SPOCK1: variants seen among roughly 807,000 people sequenced by gnomAD.
The protein encoded by SPOCK1 is SPARC (osteonectin), cwcv and kazal like domains proteoglycan 1.
SPOCK1 carries 23 observed loss-of-function variants against 55.3 expected under a neutral mutation model. The observed-to-expected ratio is 0.42, with a 90% CI of 0.30 to 0.59. SPOCK1 has a LOEUF of 0.59. Among genes scored for constraint, SPOCK1 ranks in the 20% least tolerant of loss-of-function variants. The pLI is 0.22. For synonymous variants in SPOCK1, 226 were observed against 221.0 expected (o/e 1.02, Z -0.20); for missense variants, 499 against 552.5 (o/e 0.90, Z 0.97).
At chr5:137,033,432 G>A (rs1341596266) in intron 6 of SPOCK1, among the ~76,000 whole-genome samples, 3 of 152,154 alleles carry the variant, frequency 2.0e-5, no homozygotes, top group African/African-American at 7.2e-5. Flanking sequence ...CCCCACGTCT[G>A]TGAAGCCCAG....
chr5:137,417,281 G>C (rs1186142101), intron 2 of SPOCK1, among the ~76,000 whole-genome samples: 1 of 143,168 alleles, frequency 7.0e-6, no homozygotes, highest in Admixed American at 7.0e-5. Flanking sequence ...TCTTTTAGAA[G>C]TTTTATAGTT....
intron 2 of SPOCK1, among the ~76,000 whole-genome samples, chr5:137,397,409 C>A (rs567375443): frequency 6.6e-6 from 1 of 152,342 alleles, no homozygotes; most frequent in East Asian, 1.9e-4. Context: ...TCAAACAGAG[C>A]TTTCCAGCTT....
intron 6 of SPOCK1, among the ~76,000 whole-genome samples, chr5:137,051,022 A>G (rs1333715968): frequency 6.6e-6 from 1 of 152,230 alleles, no homozygotes; most frequent in African/African-American, 2.4e-5. Flanking sequence ...TCCAATCTAA[A>G]TATCATTTCT....
At chr5:137,393,348 C>G (rs1475243903) in intron 2 of SPOCK1, among the ~76,000 whole-genome samples, 1 of 152,176 alleles carries the variant, frequency 6.6e-6, no homozygotes, top group East Asian at 1.9e-4. Flanking sequence ...CAGCCATCAC[C>G]ATGAGAACAT....
chr5:137,398,118 A>G (rs1751895789), intron 2 of SPOCK1, among the ~76,000 whole-genome samples: 4 of 151,872 alleles, frequency 2.6e-5, no homozygotes, highest in Non-Finnish European at 5.9e-5. Context: ...CCGACACCTG[A>G]GCCCATTCCA....
chr5:136,980,934 GTTTTGA>G (rs1427969475), intron 9 of SPOCK1, among the ~76,000 whole-genome samples: 3 of 150,768 alleles, frequency 2.0e-5, no homozygotes, highest in Non-Finnish European at 4.4e-5. Flanking sequence ...TAATTTCCTG[GTTTTGA>G]TTTTGGTTTT....
chr5:137,372,167 T>C (rs1258272085), intron 2 of SPOCK1, among the ~76,000 whole-genome samples: 1 of 152,238 alleles, frequency 6.6e-6, no homozygotes, highest in Non-Finnish European at 1.5e-5. Flanking sequence ...AGTAGCCACA[T>C]GAGCCTGGTG....
At position 137,132,021 on chromosome 5, in the gene SPOCK1, A is replaced by ATATATATAT. The variant is rs1561621235; in HGVS notation, c.347+8558_347+8559insATATATATA. On this transcript the variant is annotated intron_variant, in intron 4 of 10. Coordinates refer to ENST00000394945, the MANE Select transcript of SPOCK1 (RefSeq NM_004598.4). ...ATATATATATATATATATATATATA[A>ATATATATAT]AAAATTAGCTGGGCATGGTGGCAAG... Among the ~76,000 whole-genome samples the ATATATATAT allele has an allele frequency of 3.4e-4, 23 of 68,496 alleles. 2 individuals carry two copies. Among genetic ancestry groups the ATATATATAT allele is most frequent in the Non-Finnish European group, 5.2e-4 (18 of 34,932 alleles). The allele number at this position is 68,496 out of a possible 152,430, so 44.9% of individuals were successfully genotyped here. A position where few individuals can be genotyped will look rare whatever the true frequency, so the allele number is the denominator to read the frequency against.
At chr5:137,052,442 T>C (rs1047581861) in intron 6 of SPOCK1, among the ~76,000 whole-genome samples, 7 of 152,214 alleles carry the variant, frequency 4.6e-5, no homozygotes, top group African/African-American at 1.7e-4. Flanking sequence ...ACATCACTTG[T>C]GGCACATCTT....
At chr5:137,041,851 GC>G (rs1366726339) in intron 6 of SPOCK1, among the ~76,000 whole-genome samples, 3 of 152,154 alleles carry the variant, frequency 2.0e-5, no homozygotes, top group African/African-American at 7.2e-5. Context: ...ATTTATTGCT[GC>G]TGGAAATGCA....
intron 2 of SPOCK1, among the ~76,000 whole-genome samples, chr5:137,367,542 A>G (rs1211096303): frequency 6.6e-6 from 1 of 152,236 alleles, no homozygotes; most frequent in African/African-American, 2.4e-5. Context: ...TGCCTCAGGA[A>G]CATTAAATTT....
intron 2 of SPOCK1, among the ~76,000 whole-genome samples, chr5:137,417,945 T>A (rs1411032441): frequency 1.3e-5 from 2 of 152,112 alleles, no homozygotes; most frequent in Non-Finnish European, 2.9e-5. Flanking sequence ...CTAATGCTAT[T>A]CCTCCCCCCT....
At chr5:137,351,863 G>A (rs1750687477) in intron 2 of SPOCK1, among the ~76,000 whole-genome samples, 1 of 152,192 alleles carries the variant, frequency 6.6e-6, no homozygotes, top group Admixed American at 6.5e-5. Context: ...TTAAAGGATG[G>A]GCATGTAGGA....
At chr5:137,307,240 C>T (rs911458758) in intron 2 of SPOCK1, among the ~76,000 whole-genome samples, 1 of 152,222 alleles carries the variant, frequency 6.6e-6, no homozygotes, top group Non-Finnish European at 1.5e-5. Flanking sequence ...AAGCTGGAGG[C>T]AGGCCTTTGC....
intron 3 of SPOCK1, among the ~76,000 whole-genome samples, chr5:137,141,659 G>A (rs1342471967): frequency 2.0e-5 from 3 of 152,232 alleles, no homozygotes; most frequent in Non-Finnish European, 4.4e-5. Context: ...GATTGGTGAA[G>A]CATTAATATG....
At chr5:137,088,670 T>C (rs2348190) in intron 5 of SPOCK1, among the ~76,000 whole-genome samples, 60,335 of 151,950 alleles carry the variant, frequency 0.4, 12,864 homozygotes, top group Non-Finnish European at 0.48. Flanking sequence ...AAAAAGGTAG[T>C]AAGGTCAGAG....
At chr5:137,008,213 A>C (rs1451181152) in intron 6 of SPOCK1, among the ~76,000 whole-genome samples, 1 of 151,698 alleles carries the variant, frequency 6.6e-6, no homozygotes, top group African/African-American at 2.4e-5. Flanking sequence ...GGGTGCAGCA[A>C]ACCACCATGG....
chr5:137,484,997 G>T (rs367620981), intron 2 of SPOCK1, among the ~76,000 whole-genome samples: 1 of 152,016 alleles, frequency 6.6e-6, no homozygotes, highest in African/African-American at 2.4e-5. Context: ...ATAAAACCAC[G>T]AAAATAAAAA....
chr5:137,188,667 T>TTAA (rs35145075), intron 3 of SPOCK1, among the ~76,000 whole-genome samples: 87,965 of 151,818 alleles, frequency 0.58, 27,213 homozygotes, highest in Non-Finnish European at 0.68. Flanking sequence ...ATTCGGCCAA[T>TTAA]TAATAACACT....
Sources: allele counts gnomAD v4.1 joint callset (sites outside exome capture counted in the v4.1 genomes callset), GRCh38; gene constraint gnomAD v4.1.1; transcripts MANE v1.5; gene names NCBI Gene and HGNC (gene_info 2026-07-23, HGNC 2026-07-21).